Variants in DSCAM observed in about 807,000 individuals in gnomAD.
DSCAM encodes DS cell adhesion molecule, also known as cell adhesion molecule DSCAM.
A neutral mutation model predicts 217.7 loss-of-function variants in DSCAM; 47 were observed. The observed-to-expected ratio is 0.22, with a 90% CI of 0.17 to 0.28. The LOEUF is 0.28. DSCAM is among the 10% of genes least tolerant of loss of function. The pLI, the probability that DSCAM is intolerant of heterozygous loss-of-function variation, is 1.00. For missense variants in DSCAM, 2,080 were observed against 2,618.3 expected (o/e 0.79, Z 4.49); for synonymous variants, 1,056 against 1,015.3 (o/e 1.04, Z -0.76).
At chr21:40,438,558 T>C (rs996263415) in intron 3 of DSCAM, among the ~76,000 whole-genome samples, 2 of 152,186 alleles carry the variant, frequency 1.3e-5, no homozygotes, top group African/African-American at 4.8e-5. Context: ...TTGGCCAACC[T>C]CAAGGTCCAA....
intron 3 of DSCAM, among the ~76,000 whole-genome samples, chr21:40,688,331 G>T (rs549731868): frequency 2.0e-5 from 3 of 152,128 alleles, no homozygotes; most frequent in African/African-American, 7.2e-5. Flanking sequence ...CTCCCTAATC[G>T]GGAGGAAATT....
intron 30 of DSCAM, among the ~76,000 whole-genome samples, chr21:40,047,798 C>T (rs115245246): frequency 0.016 from 2,450 of 152,192 alleles, 63 homozygotes; most frequent in African/African-American, 0.055. Flanking sequence ...CATCCTGGAC[C>T]ACTGGATGCA....
At chr21:40,207,001 T>C (rs932316580) in intron 11 of DSCAM, among the ~76,000 whole-genome samples, 2 of 152,204 alleles carry the variant, frequency 1.3e-5, no homozygotes, top group Non-Finnish European at 2.9e-5. Flanking sequence ...TACCCCAGGA[T>C]AGAAACCACA....
At chr21:40,427,286 G>T (rs1280034533) in intron 3 of DSCAM, among the ~76,000 whole-genome samples, 2 of 152,184 alleles carry the variant, frequency 1.3e-5, no homozygotes, top group East Asian at 1.9e-4. Context: ...TCACTGTCCT[G>T]GGCATGAACC....
intron 3 of DSCAM, among the ~76,000 whole-genome samples, chr21:40,467,976 C>T (rs1418335790): frequency 6.6e-6 from 1 of 150,514 alleles, no homozygotes; most frequent in African/African-American, 2.5e-5. Flanking sequence ...CACAATTTGC[C>T]CACTAGGAAA....
At chr21:40,801,367 GAA>G (rs1393871914) in intron 1 of DSCAM, among the ~76,000 whole-genome samples, 2 of 152,182 alleles carry the variant, frequency 1.3e-5, no homozygotes, top group Non-Finnish European at 2.9e-5. Flanking sequence ...TTGGCCAAGT[GAA>G]AAGTTAATAA....
At position 40,561,701 on chromosome 21, in the gene DSCAM, G is replaced by A. The variant is rs577550692; in HGVS notation, c.508+131109C>T. On this transcript the variant is annotated intron_variant, in intron 3 of 32. Transcript: ENST00000400454. ...CCTTTTTTGTTTCAATCTTAGGTCT[G>A]AGCCCAGATCTCCCAACGACATGCT... 1.2e-4 allele frequency among the ~76,000 whole-genome samples: 18 copies of A among 152,132 alleles called. No individual in the cohort carries two copies. The East Asian group carries it at 2.1e-3, about 18-fold the overall frequency.
chr21:40,238,009 G>A (rs1019488984), intron 11 of DSCAM, among the ~76,000 whole-genome samples: 3 of 152,234 alleles, frequency 2.0e-5, no homozygotes, highest in African/African-American at 7.2e-5. Flanking sequence ...ACATCCTGGG[G>A]AGGGGGTGTA....
At chr21:40,036,940 GA>G (rs1319226866) in intron 32 of DSCAM, among the ~76,000 whole-genome samples, 1 of 150,720 alleles carries the variant, frequency 6.6e-6, no homozygotes, top group Non-Finnish European at 1.5e-5. Flanking sequence ...CATAGATGCA[GA>G]AAGGGCCTTT....
At chr21:40,707,949 A>C (rs990553303) in intron 2 of DSCAM, among the ~76,000 whole-genome samples, 10 of 152,260 alleles carry the variant, frequency 6.6e-5, no homozygotes, top group Admixed American at 2.6e-4. Flanking sequence ...CATGTGATAC[A>C]GTCAAAAATG....
intron 6 of DSCAM, among the ~76,000 whole-genome samples, chr21:40,347,170 T>C (rs1433500373): frequency 1.3e-5 from 2 of 151,858 alleles, no homozygotes; most frequent in East Asian, 1.9e-4. Flanking sequence ...TGGTGGTGCA[T>C]GCCTGTAATC....
chr21:40,415,759 T>C (rs2075365074), intron 3 of DSCAM, among the ~76,000 whole-genome samples: 2 of 152,110 alleles, frequency 1.3e-5, no homozygotes, highest in Non-Finnish European at 2.9e-5. Context: ...TGGGACCCTC[T>C]TCGAGGGTCT....
intron 3 of DSCAM, among the ~76,000 whole-genome samples, chr21:40,545,457 C>T (rs1046220935): frequency 2.6e-5 from 4 of 152,168 alleles, no homozygotes; most frequent in African/African-American, 9.7e-5. Flanking sequence ...CGTTAAACAG[C>T]CTCACCTGCA....
At chr21:40,143,456 T>C (rs1394625374) in intron 17 of DSCAM, among the ~76,000 whole-genome samples, 1 of 152,182 alleles carries the variant, frequency 6.6e-6, no homozygotes, top group African/African-American at 2.4e-5. Flanking sequence ...CTCGCAAAAA[T>C]TGTCAGATAT....
intron 31 of DSCAM, among the ~76,000 whole-genome samples, chr21:40,043,396 T>C (rs4818113): frequency 0.77 from 117,392 of 152,182 alleles, 45,687 homozygotes; most frequent in East Asian, 0.94. Flanking sequence ...CACATGGCGA[T>C]GATCCTCCTC....
chr21:40,352,887 G>A (rs1452098361), intron 5 of DSCAM, among the ~76,000 whole-genome samples: 1 of 152,064 alleles, frequency 6.6e-6, no homozygotes, highest in Non-Finnish European at 1.5e-5. Context: ...CATTCCTCAA[G>A]GCAGCCAAGG....
intron 3 of DSCAM, among the ~76,000 whole-genome samples, chr21:40,558,288 A>G (rs2076688672): frequency 6.6e-6 from 1 of 150,814 alleles, no homozygotes; most frequent in Non-Finnish European, 1.5e-5. Context: ...CTACTAAAAA[A>G]TACAAAAAAA....
chr21:40,355,696 C>CT (rs1167854833), intron 4 of DSCAM, among the ~76,000 whole-genome samples: 11 of 152,162 alleles, frequency 7.2e-5, no homozygotes, highest in Admixed American at 7.2e-4. Flanking sequence ...ATTTTCTTGT[C>CT]TTTGCCTCAG....
intron 1 of DSCAM, among the ~76,000 whole-genome samples, chr21:40,808,815 T>C (rs545723615): frequency 1.3e-5 from 2 of 152,258 alleles, no homozygotes; most frequent in South Asian, 2.1e-4. Context: ...AGATTACACA[T>C]GGACCTGCTA....
Sources: gnomAD v4.1 joint callset for allele counts (sites outside exome capture counted in the v4.1 genomes callset) on GRCh38, gnomAD v4.1.1 for gene constraint, MANE v1.5 for transcripts, NCBI Gene and HGNC (gene_info 2026-07-23, HGNC 2026-07-21) for gene names.